Variants in CNTN4 observed in about 807,000 individuals in gnomAD.
The protein encoded by CNTN4 is contactin 4, also known as contactin-4.
In CNTN4, 77 loss-of-function variants were observed where a neutral mutation model predicts 122.5. The observed-to-expected ratio is 0.63, with a 90% CI of 0.52 to 0.76. The LOEUF (loss-of-function observed/expected upper bound fraction) is 0.76, where lower values mean the gene tolerates loss of function less well. CNTN4 is among the 30% of genes least tolerant of loss of function. The pLI, the probability that CNTN4 is intolerant of heterozygous loss-of-function variation, is 0.00. For synonymous variants in CNTN4, 512 were observed against 447.0 expected, an observed-to-expected ratio of 1.15 and a Z score of -1.83; for missense variants, 1,256 against 1,259.1, an observed-to-expected ratio of 1.00 and a Z score of 0.04.
chr3:2,200,899 C>T (rs537931137), intron 2 of CNTN4, among the ~76,000 whole-genome samples: 1 of 152,150 alleles, frequency 6.6e-6, no homozygotes, highest in Non-Finnish European at 1.5e-5. Flanking sequence ...GACTCCACTA[C>T]AGCCATAATT....
intron 7 of CNTN4, among the ~76,000 whole-genome samples, chr3:2,865,780 G>A (rs1476372010): frequency 6.6e-6 from 1 of 152,176 alleles, no homozygotes; most frequent in Non-Finnish European, 1.5e-5. Context: ...CTGTCATTTA[G>A]TGGTCTTCTC....
chr3:2,114,939 C>T (rs967528720), intron 2 of CNTN4, among the ~76,000 whole-genome samples: 3 of 152,182 alleles, frequency 2.0e-5, no homozygotes, highest in Non-Finnish European at 4.4e-5. Flanking sequence ...GACAACATTT[C>T]AAGTAGTAGC....
intron 4 of CNTN4, among the ~76,000 whole-genome samples, chr3:2,574,379 C>T (rs1053013869): frequency 6.6e-6 from 1 of 152,184 alleles, no homozygotes; most frequent in Admixed American, 6.5e-5. Context: ...GTGACTCTCA[C>T]ATATGCCTTT....
chr3:2,223,434 G>C (rs888340244), intron 2 of CNTN4, among the ~76,000 whole-genome samples: 1 of 152,096 alleles, frequency 6.6e-6, no homozygotes, highest in Non-Finnish European at 1.5e-5. Context: ...TCTGTTTTTA[G>C]GAGATGTCAA....
chr3:2,131,752 C>G (rs1025445852), intron 2 of CNTN4, among the ~76,000 whole-genome samples: 2 of 152,210 alleles, frequency 1.3e-5, no homozygotes. Context: ...AGTTTACCAC[C>G]TGCTTGATAC....
At chr3:2,507,663 A>T (rs1335372794) in intron 3 of CNTN4, among the ~76,000 whole-genome samples, 1 of 149,098 alleles carries the variant, frequency 6.7e-6, no homozygotes, top group East Asian at 2.0e-4. Flanking sequence ...TGAACCCAGG[A>T]GGCGGAGGTT....
intron 6 of CNTN4, among the ~76,000 whole-genome samples, chr3:2,807,866 A>T (rs944875996): frequency 5.3e-4 from 81 of 152,198 alleles, no homozygotes; most frequent in African/African-American, 1.9e-3. Context: ...TAAAGTAAGG[A>T]TCAGTGCAGT....
chr3:2,562,367 CCT>C (rs1395997734), intron 3 of CNTN4, among the ~76,000 whole-genome samples: 1 of 151,030 alleles, frequency 6.6e-6, no homozygotes, highest in Non-Finnish European at 1.5e-5. Context: ...AGTTTTCAGC[CCT>C]TCCTCCCCTC....
rs535911644 is a variant in CNTN4 at position 2,747,387 on chromosome 3, C to T, written c.358+1690C>T. On this transcript the variant is annotated intron_variant, in intron 6 of 24. Transcript: ENST00000418658. ...TGGCGCCACTGGACTCCAGCCTGGGCGACAGAGCGAGACTCCGTCTAAAAA... is the reference window on the plus strand; with the variant it reads ...TGGCGCCACTGGACTCCAGCCTGGGTGACAGAGCGAGACTCCGTCTAAAAA... Among the ~76,000 whole-genome samples the T allele has an allele frequency of 5.3e-5, 8 of 150,000 alleles. No individual in the cohort carries two copies. The East Asian group carries it at 1.2e-3, about 22-fold the overall frequency.
At position 2,841,673 on chromosome 3, in the gene CNTN4, A is replaced by G. The variant is rs1323764120; in HGVS notation, c.454+22092A>G. Among the ~76,000 whole-genome samples, 3 of 152,234 alleles carry G rather than the reference A, an allele frequency of 2.0e-5. No homozygotes were observed. The highest frequency in any genetic ancestry group is 1.9e-4 in the East Asian group (1 of 5,194). Reference sequence around the variant, plus strand: ...AGGCTCTTTGTTATATGGTAGAAGTATAGTCCGTAAGGAATAGAAAGGACG... The same window carrying G: ...AGGCTCTTTGTTATATGGTAGAAGTGTAGTCCGTAAGGAATAGAAAGGACG... On this transcript the variant is annotated intron_variant, in intron 7 of 24. Coordinates refer to ENST00000418658, the MANE Select transcript of CNTN4 (RefSeq NM_175607.3). This position sits in a 1 kb window ranked among gnomAD's most constrained non-coding sequence, Gnocchi z 4.8.
intron 13 of CNTN4, among the ~76,000 whole-genome samples, chr3:2,968,599 T>G (rs954638101): frequency 1.3e-5 from 2 of 152,182 alleles, no homozygotes; most frequent in African/African-American, 2.4e-5. Context: ...GATCAGCCAC[T>G]AAAAGGGAAG....
chr3:2,249,849 T>C (rs539478280), intron 2 of CNTN4, among the ~76,000 whole-genome samples: 2 of 151,952 alleles, frequency 1.3e-5, no homozygotes, highest in East Asian at 3.9e-4. Flanking sequence ...TCTTATGCCT[T>C]ATTTTCTACA....
At chr3:2,677,516 A>ATCTATCTG (rs1336979657) in intron 4 of CNTN4, among the ~76,000 whole-genome samples, 3 of 145,968 alleles carry the variant, frequency 2.1e-5, no homozygotes, top group African/African-American at 7.7e-5. Context: ...CTATCTATCT[A>ATCTATCTG]TCTATCTGTA....
intron 22 of CNTN4, 123 bp from the exon 23 acceptor site, chr3:3,043,469 G>A: frequency 1.3e-6 from 1 of 778,704 alleles, no homozygotes. Flanking sequence ...TGACCTTGAA[G>A]ACACATATTA....
At chr3:2,656,903 C>G (rs867352081) in intron 4 of CNTN4, among the ~76,000 whole-genome samples, 1 of 152,150 alleles carries the variant, frequency 6.6e-6, no homozygotes, top group Non-Finnish European at 1.5e-5. Context: ...GAGAATAGCT[C>G]ATTGGGAGTT....
At chr3:2,727,830 G>T (rs938692546) in intron 4 of CNTN4, among the ~76,000 whole-genome samples, 1 of 152,126 alleles carries the variant, frequency 6.6e-6, no homozygotes, top group East Asian at 1.9e-4. Flanking sequence ...ACCAGCTGTC[G>T]GTAGACTTCT....
intron 4 of CNTN4, among the ~76,000 whole-genome samples, chr3:2,581,591 C>T (rs181753113): frequency 6.6e-6 from 1 of 152,256 alleles, no homozygotes; most frequent in Admixed American, 6.5e-5. Context: ...GAGAGAATGT[C>T]AGAGTCTTGT....
chr3:2,653,906 A>G (rs771754736), intron 4 of CNTN4, among the ~76,000 whole-genome samples: 4 of 152,134 alleles, frequency 2.6e-5, no homozygotes, highest in Non-Finnish European at 5.9e-5. Flanking sequence ...TGTGGTTTTG[A>G]GTTATAAGTG....
At chr3:2,272,351 T>A (rs11917323) in intron 2 of CNTN4, among the ~76,000 whole-genome samples, 4 of 151,442 alleles carry the variant, frequency 2.6e-5, no homozygotes, top group African/African-American at 7.2e-5. Context: ...ACCATTTCTC[T>A]AATTTTCCTA....
Sources: gnomAD v4.1 joint callset for allele counts (sites outside exome capture counted in the v4.1 genomes callset) on GRCh38, gnomAD v4.1.1 for gene constraint, Gnocchi (gnomAD v3.1) non-coding constraint, MANE v1.5 for transcripts, NCBI Gene and HGNC (gene_info 2026-07-23, HGNC 2026-07-21) for gene names.